The following ZNF208 variants were observed in gnomAD, a reference collection of about 807,000 sequenced individuals.
The protein encoded by ZNF208 is zinc finger protein 95.
Under a neutral mutation model 12.1 loss-of-function variants are expected in ZNF208, and 10 were observed. That is an observed-to-expected ratio of 0.83 (90% confidence interval 0.51 to 1.40). ZNF208 has a LOEUF of 1.40. ZNF208 is among the 40% of genes most tolerant of loss of function. The probability of loss-of-function intolerance (pLI) is 0.00; values close to 1 mark genes in which losing one functional copy is unlikely to be tolerated. For synonymous variants in ZNF208, 497 were observed against 488.4 expected, an observed-to-expected ratio of 1.02 and a Z score of -0.23; for missense variants, 1,652 against 1,485.0, an observed-to-expected ratio of 1.11 and a Z score of -1.85.
rs1427981347 is a variant in ZNF208 at position 21,987,229 on chromosome 19, C to T, written c.213G>A (p.Val71=). 6.2e-7 allele frequency: 1 copy of T among 1,611,036 alleles called. No homozygotes were observed. The highest frequency in any genetic ancestry group is 1.7e-5 in the Admixed American group (1 of 59,634). ...ACTCTCACCTACCTGGGGATTCTTC[C>T]ACCATCTCATGTCTCTTCATATTCC... The part of the protein sequence containing the change: ...ESWNMKRHEM[V]EESPVICSHF... The change falls in exon 3 of 4, where the codon GTG becomes GTA. Residue 71 remains valine, a synonymous_variant. Transcript: ENST00000397126.
chr19:21,971,369 T>G lies in ZNF208; in HGVS notation c.3665A>C (p.Glu1222Ala). ...ACATTCTTCACATTTGTAGGGTTTC[T>G]CTCCAGTATGAATTTTCTTGTGATA... is the stretch of plus-strand genomic sequence containing the variant. Reference protein sequence around the residue: ...LRYHKKIHTGEKPYKCEECGK... With the variant: ...LRYHKKIHTGAKPYKCEECGK... The change falls in exon 4 of 4, where the codon GAG (glutamate) becomes GCG (alanine). Residue 1222 changes from glutamate to alanine, a missense_variant. Glu to Ala is a moderately radical substitution (Grantham distance 107). Transcript: ENST00000397126. The G allele has an allele frequency of 6.2e-7, 1 of 1,610,308 alleles. No homozygotes were observed.
rs1237342911 is a variant in ZNF208, at chr19:21,968,392, GACA to G, written c.*2796_*2798del. 4 of 152,120 alleles carry G rather than the reference GACA, an allele frequency of 2.6e-5. No homozygotes were observed. The highest frequency in any genetic ancestry group is 9.6e-5 in the African/African-American group (4 of 41,526). The allele number at this position is 152,120 out of a possible 1,614,324, so 9.4% of individuals were successfully genotyped here. A position where few individuals can be genotyped will look rare whatever the true frequency, so the allele number is the denominator to read the frequency against. On this transcript the variant is annotated 3_prime_UTR_variant, in exon 4 of 4. Transcript: ENST00000397126. ...TATTTTCATCAATGTCCAGTGTGTT[GACA>G]ACATTTTTGAGTTAATATTGGGTTT... is the stretch of plus-strand genomic sequence containing the variant.
intron 4 of ZNF208, among the ~76,000 whole-genome samples, chr19:21,954,963 C>G (rs2428382): frequency 0.33 from 50,440 of 152,090 alleles, 9,720 homozygotes; most frequent in East Asian, 0.5. Flanking sequence ...TTTGCAGTAG[C>G]TGGTACCAGC....
At chr19:21,962,608 A>G (rs1970092108), downstream of ZNF208, among the ~76,000 whole-genome samples, 1 of 152,142 alleles carries the variant, frequency 6.6e-6, no homozygotes, top group African/African-American at 2.4e-5. Flanking sequence ...GATGCAAAGA[A>G]GACACATTTG....
intron 1 of ZNF208, among the ~76,000 whole-genome samples, chr19:22,003,221 G>C (rs953447805): frequency 6.6e-6 from 1 of 151,950 alleles, no homozygotes; most frequent in African/African-American, 2.4e-5. Flanking sequence ...TCTTAAAAAG[G>C]ATATATTTTA....
At chr19:21,996,568 T>G (rs1363150292) in intron 1 of ZNF208, among the ~76,000 whole-genome samples, 1 of 152,220 alleles carries the variant, frequency 6.6e-6, no homozygotes, top group Non-Finnish European at 1.5e-5. Flanking sequence ...AAACTTATTT[T>G]TTTCTTTTCA....
At chr19:21,949,862 A>G (rs1274768071) in intron 4 of ZNF208, among the ~76,000 whole-genome samples, 2 of 152,158 alleles carry the variant, frequency 1.3e-5, no homozygotes, top group Non-Finnish European at 2.9e-5. Context: ...GGAAATAACT[A>G]TCTGCATTCC....
Position 21,967,074 on chromosome 19 carries a change from T to G in ZNF208, c.*4117A>C, listed in dbSNP as rs908269082. The G allele has an allele frequency of 2.0e-5, 3 of 152,176 alleles. No individual in the cohort carries two copies. Among genetic ancestry groups the G allele is most frequent in the Non-Finnish European group, 4.4e-5 (3 of 68,024 alleles). 9.4% of individuals were successfully genotyped at this position (152,176 alleles called of 1,614,324 possible). On this transcript the variant is annotated 3_prime_UTR_variant, in exon 4 of 4. Transcript: ENST00000397126. The stretch of plus-strand genomic sequence containing the variant: ...CTGTGCAGAAGCTCTTTGGCTTAGA[T>G]GCCATTTTTTATTTTTATTTTTGTT...
At position 21,974,566 on chromosome 19, in the gene ZNF208, T is replaced by C; in HGVS notation, c.468A>G (p.Lys156=). The C allele has an allele frequency of 6.2e-7, 1 of 1,613,664 alleles. No individual in the cohort carries two copies. The highest frequency in any genetic ancestry group is 1.1e-5 in the South Asian group (1 of 91,068). Residue 156 remains lysine (K), a synonymous_variant, in exon 4 of 4, where the codon AAA becomes AAG. Coordinates refer to ENST00000397126, the MANE Select transcript of ZNF208 (RefSeq NM_007153.3). ...QRGKYANVFH[K]CSNSNRHKIR... ...TCTTATGTCTGTTTGAATTTGAACA[T>C]TTATGAAAGACATTTGCATATTTGC...
intron 1 of ZNF208, among the ~76,000 whole-genome samples, chr19:22,000,299 A>C (rs1007221719): frequency 1.4e-4 from 21 of 152,254 alleles, no homozygotes; most frequent in African/African-American, 5.1e-4. Flanking sequence ...AATTGACCAC[A>C]CAATCAGAAA....
At chr19:21,962,207 G>T (rs150917688), downstream of ZNF208, among the ~76,000 whole-genome samples, 1 of 152,058 alleles carries the variant, frequency 6.6e-6, no homozygotes, top group Non-Finnish European at 1.5e-5. Context: ...TCCATTTGGG[G>T]TCCTTGACTT....
chr19:21,945,974 G>C (rs1452758961), intron 4 of ZNF208, among the ~76,000 whole-genome samples: 1 of 151,760 alleles, frequency 6.6e-6, no homozygotes, highest in African/African-American at 2.4e-5. Context: ...TCATGCCCTC[G>C]GATGCACAAG....
downstream of ZNF208, among the ~76,000 whole-genome samples, chr19:21,961,670 T>TC (rs1970073323): frequency 6.6e-6 from 1 of 152,024 alleles, no homozygotes; most frequent in Admixed American, 6.6e-5. Flanking sequence ...TTTATAGACC[T>TC]CCCCTGAGGA....
At chr19:22,008,948 C>T (rs987786559) in intron 1 of ZNF208, among the ~76,000 whole-genome samples, 2 of 152,078 alleles carry the variant, frequency 1.3e-5, no homozygotes, top group South Asian at 4.1e-4. Flanking sequence ...CTCTCGCAGA[C>T]ATAGCCATGG....
chr19:21,981,732 T>C (rs1206534122), intron 3 of ZNF208, among the ~76,000 whole-genome samples: 1 of 152,062 alleles, frequency 6.6e-6, no homozygotes, highest in East Asian at 1.9e-4. Context: ...GAAAAAGAAA[T>C]AAAGGATATT....
Position 21,972,044 on chromosome 19 carries a change from C to T in ZNF208, c.2990G>A (p.Gly997Glu). Residue 997 changes from glycine to glutamate, a missense_variant, in exon 4 of 4, where the codon GGA becomes GAA. Physicochemically the swap from Gly to Glu is moderately conservative, Grantham distance 98. This residue lies in a region of ZNF208 where 1,239 missense variants were observed against 1,086.2 expected (regional missense o/e 1.14). Transcript: ENST00000397126. ...TTCTTCACATTTGTAGGGTTTCTCTCCAGTATGAATTACCTTATGTTTAGT... is the reference window on the plus strand; with the variant it reads ...TTCTTCACATTTGTAGGGTTTCTCTTCAGTATGAATTACCTTATGTTTAGT... ...ILTKHKVIHT[G>E]EKPYKCEECG... 4 of 1,613,664 alleles carry T rather than the reference C, an allele frequency of 2.5e-6. No homozygotes were observed. The South Asian group carries it at 4.4e-5, about 18-fold the overall frequency.
Position 21,971,195 on chromosome 19 carries a change from A to T in ZNF208, c.3839T>A (p.Leu1280His). 1 of 1,603,712 alleles carries T rather than the reference A, an allele frequency of 6.2e-7. No homozygotes were observed. ...KHKKIHTGEK[L>H] ...TTTGCCACATTCTTCACATTTCTAG[A>T]GTTTCTCTCCAGTATGAATTTTCTT... The change falls in exon 4 of 4, where the codon CTC becomes CAC. Residue 1280 changes from leucine to histidine, a missense_variant. Leu to His is a moderately conservative substitution (Grantham distance 99). Around this residue, in one of 3 missense-constraint regions of ZNF208, gnomAD observed 1,239 missense variants for 1,086.2 expected, o/e 1.14. Transcript: ENST00000397126.
chr19:21,956,179 C>T (rs1313523565), intron 4 of ZNF208, among the ~76,000 whole-genome samples: 3 of 152,126 alleles, frequency 2.0e-5, no homozygotes, highest in Admixed American at 1.3e-4. Flanking sequence ...AATATTGCTG[C>T]CTGATCCTTC....
chr19:21,976,822 A>G (rs1970439694), intron 3 of ZNF208, among the ~76,000 whole-genome samples: 1 of 152,196 alleles, frequency 6.6e-6, no homozygotes, highest in Non-Finnish European at 1.5e-5. Flanking sequence ...CAGCCTCACA[A>G]AGTGCTGGGA....
Sources: gnomAD v4.1 joint callset for allele counts (sites outside exome capture counted in the v4.1 genomes callset) on GRCh38, gnomAD v4.1.1 for gene constraint, gnomAD v4.1.1 regional missense constraint, MANE v1.5 for transcripts, NCBI Gene and HGNC (gene_info 2026-07-23, HGNC 2026-07-21) for gene names.